MORN1: variants seen among roughly 807,000 people sequenced by gnomAD.
The protein encoded by MORN1 is MORN repeat-containing protein 1.
In MORN1, 67 loss-of-function variants were observed where a neutral mutation model predicts 61.9. The observed-to-expected ratio is 1.08, with a 90% CI of 0.89 to 1.33. The LOEUF is 1.33. Ranked by LOEUF, MORN1 falls within the 40% of genes most tolerant of loss-of-function variation. The probability of loss-of-function intolerance (pLI) is 0.00; values close to 1 mark genes in which losing one functional copy is unlikely to be tolerated. For synonymous variants in MORN1, 301 were observed against 292.0 expected (o/e 1.03, Z -0.31); for missense variants, 752 against 691.2 (o/e 1.09, Z -0.99).
chr1:2,328,588 G>T (rs1271400472), intron 12 of MORN1, among the ~76,000 whole-genome samples: 1 of 152,212 alleles, frequency 6.6e-6, no homozygotes. Context: ...CAGGAGGCAC[G>T]CCCTGCGGCT....
At chr1:2,325,170 T>TCCTTCCCTCCC in intron 12 of MORN1, among the ~76,000 whole-genome samples, 1 of 15,438 alleles carries the variant, frequency 6.5e-5, no homozygotes, top group South Asian at 3.2e-3. Context: ...CCTTCCTTCC[T>TCCTTCCCTCCC]TTCCTTCCTT....
chr1:2,383,257 C>CT (rs1463389133), intron 6 of MORN1, among the ~76,000 whole-genome samples: 2 of 152,208 alleles, frequency 1.3e-5, no homozygotes, highest in Non-Finnish European at 2.9e-5. Context: ...AGTGTTTCTA[C>CT]TTTAACTCCT....
chr1:2,359,103 T>C (rs1301314901), intron 8 of MORN1, among the ~76,000 whole-genome samples: 1 of 152,132 alleles, frequency 6.6e-6, no homozygotes, highest in Non-Finnish European at 1.5e-5. Context: ...CCTCAGGGCT[T>C]CACCTCAGGC....
intron 12 of MORN1, among the ~76,000 whole-genome samples, chr1:2,328,908 G>T (rs570211766): frequency 6.6e-6 from 1 of 152,206 alleles, no homozygotes; most frequent in South Asian, 2.1e-4. Context: ...AAGGGAACCC[G>T]CCCAGGGAGG....
chr1:2,354,252 G>A (rs1227838203), intron 10 of MORN1, among the ~76,000 whole-genome samples: 2 of 152,186 alleles, frequency 1.3e-5, no homozygotes, highest in African/African-American at 4.8e-5. Context: ...TGCCCAACCA[G>A]CCCCTTCTCG....
At chr1:2,344,379 G>A (rs1441437570) in intron 10 of MORN1, among the ~76,000 whole-genome samples, 2 of 152,228 alleles carry the variant, frequency 1.3e-5, no homozygotes, top group African/African-American at 2.4e-5. Flanking sequence ...AGCTGGCTCC[G>A]AGCGTCCCCC....
At chr1:2,326,891 G>C (rs970506676) in intron 12 of MORN1, among the ~76,000 whole-genome samples, 8 of 152,216 alleles carry the variant, frequency 5.3e-5, no homozygotes, top group Admixed American at 3.3e-4. Context: ...CAGCGACCCG[G>C]GCCTCACCCA....
chr1:2,378,991 T>C (rs1369928738), intron 6 of MORN1: 1 of 470,612 alleles, frequency 2.1e-6, no homozygotes, highest in Admixed American at 2.3e-5. Flanking sequence ...CTGTAACACG[T>C]TTATTTTCAG....
intron 12 of MORN1, among the ~76,000 whole-genome samples, chr1:2,325,125 T>TCCTTC (rs1553205782): frequency 1.1e-3 from 35 of 30,792 alleles, no homozygotes; most frequent in African/African-American, 6.9e-3. Flanking sequence ...TTCCTTCCCT[T>TCCTTC]CCTTCCTTCC....
chr1:2,359,852 C>T (rs1641855413), intron 8 of MORN1, among the ~76,000 whole-genome samples: 1 of 150,104 alleles, frequency 6.7e-6, no homozygotes, highest in African/African-American at 2.5e-5. Context: ...CACTGCACTC[C>T]AGCCAGGGCG....
At chr1:2,346,772 C>T (rs559211954) in intron 10 of MORN1, among the ~76,000 whole-genome samples, 1 of 152,346 alleles carries the variant, frequency 6.6e-6, no homozygotes, top group African/African-American at 2.4e-5. Context: ...GGTGCATCCT[C>T]AGCCCCTCAG....
rs1278456914 is a variant in MORN1 at position 2,329,251 on chromosome 1, C to T, written c.1251-5108G>A. On this transcript the variant is annotated intron_variant, in intron 12 of 13. Transcript: ENST00000378531. ...GCTGAGCGCTGGGCACGTCTGCAGG[C>T]CCAGCTGTTCCCGCCCGGCCCTCAC... Among the ~76,000 whole-genome samples, 255 of 152,314 alleles carry T rather than the reference C, an allele frequency of 1.7e-3. 4 individuals carry two copies. The highest frequency in any genetic ancestry group is 3.4e-4 in the Non-Finnish European group (23 of 68,014).
chr1:2,335,447 G>A (rs546970887), intron 12 of MORN1, among the ~76,000 whole-genome samples: 12 of 152,312 alleles, frequency 7.9e-5, no homozygotes, highest in African/African-American at 2.9e-4. Flanking sequence ...CCAGGCAGGC[G>A]CTGGGGATGC....
At chr1:2,385,216 C>A in intron 5 of MORN1, 151 bp from the exon 6 acceptor site, 5 of 749,118 alleles carry the variant, frequency 6.7e-6, no homozygotes, top group Non-Finnish European at 1.1e-5. Flanking sequence ...TCCTGCCTCG[C>A]CAGGGCCAGC....
chr1:2,385,438 G>C (rs1642472118), intron 5 of MORN1: 1 of 395,370 alleles, frequency 2.5e-6, no homozygotes, highest in South Asian at 3.1e-5. Context: ...TTGGGAGGCG[G>C]AGGCGGGAGG....
intron 5 of MORN1, chr1:2,385,549 C>CGGGG (rs556462194): frequency 2.3e-4 from 22 of 97,446 alleles, no homozygotes; most frequent in East Asian, 5.1e-4. Flanking sequence ...GTATTTTAAT[C>CGGGG]GGGGGGGGGG....
rs1641050697 is a variant in MORN1, at chr1:2,327,239, C to CACAGAAACACAGAAACAAACACAGAG, written c.1251-3097_1251-3096insCTCTGTGTTTGTTTCTGTGTTTCTGT. Among the ~76,000 whole-genome samples, 3 of 57,180 alleles carry CACAGAAACACAGAAACAAACACAGAG rather than the reference C, an allele frequency of 5.2e-5. No individual in the cohort carries two copies. In the South Asian group the frequency reaches 1.8e-3, roughly 35 times the overall value. The allele number at this position is 57,180 out of a possible 152,430, so 37.5% of individuals were successfully genotyped here. A position where few individuals can be genotyped will look rare whatever the true frequency, so the allele number is the denominator to read the frequency against. On this transcript the variant is annotated intron_variant, in intron 12 of 13. Transcript: ENST00000378531. ...AGAAACAAACACAGAGACACAGAAA[C>CACAGAAACACAGAAACAAACACAGAG]ACACAGAAACACACAGAAACACAGA...
At chr1:2,338,759 G>T (rs2100260377) in intron 10 of MORN1, among the ~76,000 whole-genome samples, 1 of 152,324 alleles carries the variant, frequency 6.6e-6, no homozygotes, top group South Asian at 2.1e-4. Context: ...AGGCTTGGGG[G>T]TTCTGACCAA....
At chr1:2,388,599 G>C in intron 2 of MORN1, 1 of 432,448 alleles carries the variant, frequency 2.3e-6, no homozygotes. Flanking sequence ...GCAACACGGA[G>C]AGACCCCGTC....
Sources: allele counts gnomAD v4.1 joint callset (sites outside exome capture counted in the v4.1 genomes callset), GRCh38; gene constraint gnomAD v4.1.1; transcripts MANE v1.5; gene names NCBI Gene and HGNC (gene_info 2026-07-23, HGNC 2026-07-21).